The following TMPRSS2 variants were observed in gnomAD, a reference collection of about 807,000 sequenced individuals.
TMPRSS2 encodes the protein transmembrane protease serine 2.
Under a neutral mutation model 67.4 loss-of-function variants are expected in TMPRSS2, and 59 were observed. The observed-to-expected ratio is 0.88, with a 90% CI of 0.71 to 1.09. TMPRSS2 has a LOEUF of 1.09. Ranked by LOEUF, TMPRSS2 falls within the 50% of genes least tolerant of loss-of-function variation. The pLI, the probability that TMPRSS2 is intolerant of heterozygous loss-of-function variation, is 0.00. For missense variants in TMPRSS2, 668 were observed against 642.7 expected, an observed-to-expected ratio of 1.04 and a Z score of -0.43; for synonymous variants, 257 against 257.0, an observed-to-expected ratio of 1.00 and a Z score of 0.00.
Position 41,494,180 on chromosome 21 carries a change from T to C in TMPRSS2, c.238+176A>G, listed in dbSNP as rs2838042. Among the ~76,000 whole-genome samples, 33,670 of 152,156 alleles carry C rather than the reference T, an allele frequency of 0.22. 3,922 individuals carry two copies. Among genetic ancestry groups the C allele is most frequent in the South Asian group, 0.3 (1,457 of 4,826 alleles). On this transcript the variant is annotated intron_variant, in intron 3 of 13. Coordinates refer to ENST00000332149, the MANE Select transcript of TMPRSS2 (RefSeq NM_005656.4). ...GAGGCTAGGCCTGGCAGCGACAGCTTTGACCCAGCAGGAAGAGAGTGGAAA... is the reference window on the plus strand; with the variant it reads ...GAGGCTAGGCCTGGCAGCGACAGCTCTGACCCAGCAGGAAGAGAGTGGAAA...
At position 41,488,425 on chromosome 21, in the gene TMPRSS2, G is replaced by A. The variant is rs772919931; in HGVS notation, c.414C>T (p.His138=). The A allele has an allele frequency of 1.9e-6, 3 of 1,613,662 alleles. No individual in the cohort carries two copies. The highest frequency in any genetic ancestry group is 1.3e-5 in the African/African-American group (1 of 75,056). The change falls in exon 5 of 14, where the codon CAC becomes CAT. Residue 138 remains histidine, a synonymous_variant. Transcript: ENST00000332149. ...GATTCTCGTCCTCCCCGCCGGGGCA[G>A]TGTGACACGCCATCACACCAGTTAG... ...NPSNWCDGVS[H]CPGGEDENRC... is the part of the protein sequence containing the mutation.
intron 1 of TMPRSS2, among the ~76,000 whole-genome samples, chr21:41,507,759 G>A (rs916267807): frequency 9.9e-5 from 15 of 152,102 alleles, no homozygotes; most frequent in Admixed American, 2.6e-4. Flanking sequence ...TGGGGACCCC[G>A]GGGGACTCTC....
chr21:41,472,593 T>C (rs2091144524), intron 9 of TMPRSS2, among the ~76,000 whole-genome samples: 1 of 152,074 alleles, frequency 6.6e-6, no homozygotes, highest in South Asian at 2.1e-4. Context: ...AGCCCTTGCT[T>C]CCTTGACCTT....
At position 41,473,437 on chromosome 21, in the gene TMPRSS2, G is replaced by T. The variant is rs763100539; in HGVS notation, c.787C>A (p.Leu263Ile). The part of the protein sequence containing the change: ...QSRIVGGESA[L>I]PGAWPWQVSL... ...ACCTGCCAGGGCCAGGCCCCCGGGA[G>T]CGCGCTCTCGCCGCCCACAATCCTG... The change falls in exon 9 of 14, where the codon CTC (leucine) becomes ATC (isoleucine). Residue 263 changes from leucine to isoleucine, a missense_variant. By Grantham distance (5) the Leu-to-Ile change is conservative. Coordinates refer to ENST00000332149, the MANE Select transcript of TMPRSS2 (RefSeq NM_005656.4). The T allele has an allele frequency of 6.2e-7, 1 of 1,610,248 alleles. No individual in the cohort carries two copies. The highest frequency in any genetic ancestry group is 1.7e-5 in the Admixed American group (1 of 59,824).
At chr21:41,476,675 T>C (rs2091216386) in intron 7 of TMPRSS2, 55 bp from the exon 8 acceptor site, 1 of 1,463,814 alleles carries the variant, frequency 6.8e-7, no homozygotes, top group Non-Finnish European at 9.6e-7. Flanking sequence ...CACCTGCCTC[T>C]CACATGCTTA....
intron 1 of TMPRSS2, among the ~76,000 whole-genome samples, chr21:41,499,911 G>A (rs1335976985): frequency 6.6e-6 from 1 of 152,166 alleles, no homozygotes; most frequent in African/African-American, 2.4e-5. Flanking sequence ...CGGGGTTCAA[G>A]ATTATCCGTC....
Position 41,494,433 on chromosome 21 carries a change from G to A in TMPRSS2, c.161C>T (p.Pro54Leu), listed in dbSNP as rs766068032. 16 of 1,612,914 alleles carry A rather than the reference G, an allele frequency of 9.9e-6. No homozygotes were observed. Among genetic ancestry groups the A allele is most frequent in the East Asian group, 2.2e-5 (1 of 44,874 alleles). Residue 54 changes from proline (P) to leucine (L), a missense_variant, in exon 3 of 14, where the codon CCG becomes CTG. Pro to Leu is a moderately conservative substitution (Grantham distance 98). Transcript: ENST00000332149. ...YYPSPVPQYA[P>L]RVLTQASNPV... ...GTTGGAAGCCTGCGTCAGGACCCTCGGGGCGTACTGGGGCACGGGGGACGG... is the reference window on the plus strand; with the variant it reads ...GTTGGAAGCCTGCGTCAGGACCCTCAGGGCGTACTGGGGCACGGGGGACGG...
chr21:41,465,552 G>A lies in TMPRSS2; in HGVS notation c.*590C>T. ...CACTGTCTATATTCTCACCCCATAA[G>A]AACAAAAATGTTTCTGTTCCCCTTA... On this transcript the variant is annotated 3_prime_UTR_variant, in exon 14 of 14. Coordinates refer to ENST00000332149, the MANE Select transcript of TMPRSS2 (RefSeq NM_005656.4). 4.3e-6 allele frequency: 1 copy of A among 233,642 alleles called. No individual in the cohort carries two copies. Among genetic ancestry groups the A allele is most frequent in the Non-Finnish European group, 8.4e-6 (1 of 118,346 alleles). The allele number at this position is 233,642 out of a possible 1,614,324, so 14.5% of individuals were successfully genotyped here. A position where few individuals can be genotyped will look rare whatever the true frequency, so the allele number is the denominator to read the frequency against.
rs745667670 is a variant in TMPRSS2 at position 41,489,587 on chromosome 21, T to C, written c.245A>G (p.Lys82Arg). 6.2e-7 allele frequency: 1 copy of C among 1,613,950 alleles called. No individual in the cohort carries two copies. The highest frequency in any genetic ancestry group is 8.5e-7 in the Non-Finnish European group (1 of 1,179,820). ...PSGTVCTSKTKKALCITLTLG... is the reference protein window; with the variant it reads ...PSGTVCTSKTRKALCITLTLG... The stretch of plus-strand genomic sequence containing the variant: ...GGTCAAGGTGATGCACAGTGCTTTC[T>C]TAGTCTCTGGAAGAAGGAGGAGAGT... The change falls in exon 4 of 14, where the codon AAG (lysine) becomes AGG (arginine). Residue 82 changes from lysine to arginine, a missense_variant. Coordinates refer to ENST00000332149, the MANE Select transcript of TMPRSS2 (RefSeq NM_005656.4).
intron 5 of TMPRSS2, among the ~76,000 whole-genome samples, chr21:41,483,417 G>A (rs1157288221): frequency 6.6e-6 from 1 of 151,936 alleles, no homozygotes; most frequent in Non-Finnish European, 1.5e-5. Context: ...ATGAGTAGCT[G>A]GGATTACAGG....
intron 6 of TMPRSS2, among the ~76,000 whole-genome samples, 182 bp from the exon 7 acceptor site, chr21:41,479,464 AC>A (rs1376510152): frequency 2.6e-5 from 4 of 152,222 alleles, no homozygotes; most frequent in African/African-American, 9.6e-5. Context: ...CGATTCAATA[AC>A]CCTAAAGTGT....
chr21:41,490,285 T>C (rs556994660), intron 3 of TMPRSS2, among the ~76,000 whole-genome samples: 2 of 151,676 alleles, frequency 1.3e-5, no homozygotes, highest in East Asian at 3.9e-4. Context: ...CTAAAAACTA[T>C]CATCACTCTG....
At chr21:41,505,958 C>T (rs1182550664) in intron 1 of TMPRSS2, among the ~76,000 whole-genome samples, 1 of 152,230 alleles carries the variant, frequency 6.6e-6, no homozygotes, top group Non-Finnish European at 1.5e-5. Context: ...CTTGGACAAG[C>T]TTCCCAACCT....
At position 41,488,418 on chromosome 21, in the gene TMPRSS2, C is replaced by T. The variant is rs1385130606; in HGVS notation, c.421G>A (p.Gly141Ser). ...CCACACCGATTCTCGTCCTCCCCGC[C>T]GGGGCAGTGTGACACGCCATCACAC... ...NWCDGVSHCP[G>S]GEDENRCVRL... Residue 141 changes from glycine (G) to serine (S), a missense_variant, in exon 5 of 14, where the codon GGC becomes AGC. Physicochemically the swap from Gly to Ser is moderately conservative, Grantham distance 56 (BLOSUM62 0). Coordinates refer to ENST00000332149, the MANE Select transcript of TMPRSS2 (RefSeq NM_005656.4). 13 of 1,613,332 alleles carry T rather than the reference C, an allele frequency of 8.1e-6. 1 individual carries two copies. Among genetic ancestry groups the T allele is most frequent in the East Asian group, 4.5e-5 (2 of 44,878 alleles).
intron 1 of TMPRSS2, among the ~76,000 whole-genome samples, chr21:41,505,762 C>T (rs2146514831): frequency 6.6e-6 from 1 of 152,336 alleles, no homozygotes; most frequent in East Asian, 1.9e-4. Context: ...TTGCTGGTAA[C>T]ATTCCAACAT....
chr21:41,497,773 C>T (rs1400348611), intron 2 of TMPRSS2, among the ~76,000 whole-genome samples: 1 of 152,218 alleles, frequency 6.6e-6, no homozygotes, highest in African/African-American at 2.4e-5. Context: ...TGGGATCCCA[C>T]GTGGGTCTCT....
rs115265507 is a variant in TMPRSS2 at position 41,488,300 on chromosome 21, G to C, written c.445+94C>G. 5.0e-5 allele frequency: 72 copies of C among 1,429,302 alleles called. No individual in the cohort carries two copies. In the East Asian group the frequency reaches 1.7e-3, roughly 33 times the overall value. 88.5% of individuals were successfully genotyped at this position (1,429,302 alleles called of 1,614,324 possible). On this transcript the variant is annotated intron_variant, in intron 5 of 13. Coordinates refer to ENST00000332149, the MANE Select transcript of TMPRSS2 (RefSeq NM_005656.4). ...GACATCATGTGTCAGCGTACTGGACGCACGCCAGGCCCAGTCACCCAAAGG... is the reference window on the plus strand; with the variant it reads ...GACATCATGTGTCAGCGTACTGGACCCACGCCAGGCCCAGTCACCCAAAGG...
intron 1 of TMPRSS2, 180 bp downstream of exon 1, chr21:41,507,901 A>G (rs1601595676): frequency 6.7e-7 from 1 of 1,490,654 alleles, no homozygotes; most frequent in East Asian, 2.9e-5. Flanking sequence ...GCACCCCGGG[A>G]GGCGCCCTGC....
rs57394908 is a variant in TMPRSS2 at position 41,501,608 on chromosome 21, C to CAA, written c.-56-3421_-56-3420dup. On this transcript the variant is annotated intron_variant, in intron 1 of 13. Coordinates refer to ENST00000332149, the MANE Select transcript of TMPRSS2 (RefSeq NM_005656.4). ...TGGGTGACAGAGAGAGACTCTGTCT[C>CAA]AAAAAAAAAAAAAAAAAAAAAAAAA... 8.1e-4 allele frequency among the ~76,000 whole-genome samples: 70 copies of CAA among 86,520 alleles called. 1 individual carries two copies. The highest frequency in any genetic ancestry group is 2.6e-3 in the African/African-American group (61 of 23,028). The allele number at this position is 86,520 out of a possible 152,430, so 56.8% of individuals were successfully genotyped here.
Sources: gnomAD v4.1 joint callset for allele counts (sites outside exome capture counted in the v4.1 genomes callset) on GRCh38, gnomAD v4.1.1 for gene constraint, MANE v1.5 for transcripts, NCBI Gene and HGNC (gene_info 2026-07-23, HGNC 2026-07-21) for gene names.